MIAT: variants seen among roughly 807,000 people sequenced by gnomAD.
MIAT encodes MI related novel mRNA.
At chr22:26,647,190 C>T (rs935504425) in exon 2 of MIAT, 7 of 398,388 alleles carry the variant, frequency 1.8e-5, no homozygotes, top group Non-Finnish European at 3.1e-5. Flanking sequence ...CTGAGAAGCC[C>T]TCCAGAACCG....
At chr22:26,668,980 C>T (rs955735293) in exon 6 of MIAT, 2 of 398,400 alleles carry the variant, frequency 5.0e-6, no homozygotes, top group African/African-American at 2.1e-5. Flanking sequence ...TTCCTGCCAT[C>T]CAAAGGGAAC....
chr22:26,650,346 A>G (rs1374741721), intron 2 of MIAT: 1 of 152,170 alleles, frequency 6.6e-6, no homozygotes, highest in Non-Finnish European at 1.5e-5. Flanking sequence ...AGCCTCCTTA[A>G]GTTGTTTGTT....
downstream of MIAT, chr22:26,672,237 C>G (rs1189582759): frequency 2.5e-6 from 1 of 399,200 alleles, no homozygotes; most frequent in Non-Finnish European, 4.4e-6. Context: ...CCAGCCCTGC[C>G]GAGCTCTGGG....
In MIAT at chr22:26,675,392, C is replaced by T. The variant is rs191712020; in HGVS notation, n.9060C>T. 7.0e-5 allele frequency: 28 copies of T among 398,570 alleles called. No individual in the cohort carries two copies. In the Admixed American group the frequency reaches 8.8e-4, roughly 13 times the overall value. 24.7% of individuals were successfully genotyped at this position (398,570 alleles called of 1,614,324 possible). On this transcript the variant is annotated non_coding_transcript_exon_variant, in exon 5 of 5. Coordinates refer to the MIAT transcript ENST00000613780. The stretch of plus-strand genomic sequence containing the variant: ...TTTATCCTTAGGCCTTGGGGAGCGA[C>T]GGATATGATCTGAGAAAGGGAGTTA...
intron 2 of MIAT, among the ~76,000 whole-genome samples, chr22:26,658,698 G>T (rs1299468110): frequency 1.3e-5 from 2 of 152,220 alleles, no homozygotes; most frequent in African/African-American, 4.8e-5. Context: ...CGGATCCGAG[G>T]CTGCCCGGCG....
exon 1 of MIAT, chr22:26,646,611 G>A: frequency 5.1e-6 from 2 of 394,854 alleles, no homozygotes; most frequent in Non-Finnish European, 8.9e-6. Context: ...TTCTAGTTGT[G>A]TCTGTTTATC....
intron 2 of MIAT, among the ~76,000 whole-genome samples, chr22:26,655,438 T>TTAA (rs1930409990): frequency 1.3e-5 from 2 of 152,188 alleles, no homozygotes; most frequent in Non-Finnish European, 2.9e-5. Context: ...GCGATGAAGA[T>TTAA]GATAAACAAT....
At chr22:26,647,286 T>C (rs113853484) in exon 2 of MIAT, 8,544 of 395,480 alleles carry the variant, frequency 0.022, 135 homozygotes, top group Non-Finnish European at 0.029. Flanking sequence ...CACCGTGCCC[T>C]GGAGATGCTG....
downstream of MIAT, chr22:26,673,711 A>C: frequency 2.5e-6 from 1 of 398,492 alleles, no homozygotes; most frequent in East Asian, 3.6e-5. Context: ...TAACACAGGG[A>C]AAAGCATAGC....
At chr22:26,667,349 TGTGTGC>T in intron 5 of MIAT, 2 of 387,478 alleles carry the variant, frequency 5.2e-6, no homozygotes, top group East Asian at 3.9e-5. Flanking sequence ...TGTGTGTGTG[TGTGTGC>T]GTGTGCACAT....
chr22:26,654,116 C>A (rs1930383340), intron 2 of MIAT, among the ~76,000 whole-genome samples: 1 of 152,128 alleles, frequency 6.6e-6, no homozygotes, highest in Non-Finnish European at 1.5e-5. Context: ...TACTTTAGAA[C>A]AATAAATAGT....
chr22:26,664,708 G>C (rs1930783817), intron 3 of MIAT, among the ~76,000 whole-genome samples: 1 of 152,222 alleles, frequency 6.6e-6, no homozygotes, highest in Non-Finnish European at 1.5e-5. Context: ...TTGATGAGTA[G>C]ATTCCCTTAT....
At chr22:26,661,938 A>ATC (rs1930685843) in intron 2 of MIAT, among the ~76,000 whole-genome samples, 1 of 32,758 alleles carries the variant, frequency 3.1e-5, no homozygotes, top group African/African-American at 1.1e-4. Context: ...ATATATATAT[A>ATC]TATATATATA....
Position 26,675,216 on chromosome 22 carries a change from G to A in MIAT, n.8884G>A, listed in dbSNP as rs144397618. 250 of 398,976 alleles carry A rather than the reference G, an allele frequency of 6.3e-4. 2 individuals are homozygous for A. In the East Asian group the frequency reaches 8.9e-3, roughly 14 times the overall value. 24.7% of individuals were successfully genotyped at this position (398,976 alleles called of 1,614,324 possible). A position where few individuals can be genotyped will look rare whatever the true frequency, so the allele number is the denominator to read the frequency against. The stretch of plus-strand genomic sequence containing the variant: ...TGAGCTGTGGCTGGGTGGAGTGTGG[G>A]TGGGGATGAGTTCCGGGCAGCGAGA... On this transcript the variant is annotated non_coding_transcript_exon_variant, in exon 5 of 5. Transcript: ENST00000613780.
downstream of MIAT, chr22:26,671,426 C>A (rs967634428): frequency 1.0e-5 from 4 of 398,624 alleles, no homozygotes; most frequent in Non-Finnish European, 1.8e-5. Context: ...ACCTACTAAC[C>A]CAGGGCTCAG....
intron 2 of MIAT, among the ~76,000 whole-genome samples, chr22:26,652,365 T>C (rs1029086983): frequency 6.7e-6 from 1 of 150,228 alleles, no homozygotes; most frequent in South Asian, 2.1e-4. Flanking sequence ...CATTCATTTA[T>C]TTTTTTTTTG....
At chr22:26,670,885 T>G (rs1472562106), downstream of MIAT, 3 of 398,336 alleles carry the variant, frequency 7.5e-6, no homozygotes, top group East Asian at 1.1e-4. Context: ...CTTTGTAGCA[T>G]TGGCTGAAAA....
intron 2 of MIAT, among the ~76,000 whole-genome samples, chr22:26,653,861 T>C (rs1334923723): frequency 6.6e-6 from 1 of 152,192 alleles, no homozygotes; most frequent in Admixed American, 6.5e-5. Context: ...TGCCTCAGCC[T>C]CCTGAGTAGC....
At chr22:26,670,602 T>TAAAAAAAAAA (rs34401113), downstream of MIAT, 2 of 310,532 alleles carry the variant, frequency 6.4e-6, no homozygotes, top group Admixed American at 7.2e-5. Context: ...CATTGCTCCT[T>TAAAAAAAAAA]AAAAAAAAAA....
Sources: allele counts gnomAD v4.1 joint callset (sites outside exome capture counted in the v4.1 genomes callset), GRCh38; gene constraint gnomAD v4.1.1; transcripts MANE v1.5; gene names NCBI Gene and HGNC (gene_info 2026-07-23, HGNC 2026-07-21).